The following BLTP1 variants were observed in gnomAD, a reference collection of about 807,000 sequenced individuals.
BLTP1 encodes the protein bridge-like lipid transfer protein family member 1, also known as fragile site-associated protein.
At chr4:122,262,972 T>C in the BLTP1 span, 1 of 1,613,634 alleles carries the variant, frequency 6.2e-7, no homozygotes. Flanking sequence ...AGTAGCTCCC[T>C]AACGAGAACA....
the BLTP1 span, chr4:122,189,263 T>C: frequency 1.0e-6 from 1 of 953,400 alleles, no homozygotes; most frequent in Non-Finnish European, 1.2e-6. Context: ...GCATTTAATA[T>C]CATCTAATGA....
At chr4:122,271,787 G>C in the BLTP1 span, 427 of 1,078,876 alleles carry the variant, frequency 4.0e-4, 2 homozygotes, top group Non-Finnish European at 3.8e-4. Context: ...CAAAGAAGCA[G>C]AAGACTGTTC....
chr4:122,158,687 C>T, the BLTP1 span, among the ~76,000 whole-genome samples: 794 of 152,222 alleles, frequency 5.2e-3, 11 homozygotes, highest in African/African-American at 0.017. Flanking sequence ...AGGAGAATGG[C>T]GTGAACCCAG....
the BLTP1 span, among the ~76,000 whole-genome samples, chr4:122,159,010 C>T: frequency 6.6e-6 from 1 of 152,158 alleles, no homozygotes; most frequent in Non-Finnish European, 1.5e-5. Flanking sequence ...GATCATCAGT[C>T]GCCATACCTG....
At chr4:122,233,142 C>A in the BLTP1 span, among the ~76,000 whole-genome samples, 2 of 152,144 alleles carry the variant, frequency 1.3e-5, no homozygotes, top group African/African-American at 4.8e-5. Flanking sequence ...AGGTGAAGCC[C>A]AGCCACCTAC....
At chr4:122,174,633 A>G in the BLTP1 span, 2 of 1,601,466 alleles carry the variant, frequency 1.2e-6, no homozygotes, top group South Asian at 1.1e-5. Context: ...CTATTACATT[A>G]CAGAAGACAT....
At chr4:122,195,421 A>G in the BLTP1 span, among the ~76,000 whole-genome samples, 1 of 145,608 alleles carries the variant, frequency 6.9e-6, no homozygotes, top group Non-Finnish European at 1.5e-5. Flanking sequence ...CCTTCCTAAC[A>G]TTGTCTGGCA....
At chr4:122,320,514 T>C in the BLTP1 span, among the ~76,000 whole-genome samples, 3 of 152,186 alleles carry the variant, frequency 2.0e-5, no homozygotes, top group Admixed American at 2.0e-4. Context: ...TAGACCCCTT[T>C]ATCATTTCAT....
At chr4:122,179,503 G>A in the BLTP1 span, among the ~76,000 whole-genome samples, 9 of 152,060 alleles carry the variant, frequency 5.9e-5, no homozygotes, top group Non-Finnish European at 1.3e-4. Flanking sequence ...CAAGGCTTCT[G>A]TCCAGGATCT....
chr4:122,314,016 T>C, the BLTP1 span: 3 of 952,330 alleles, frequency 3.2e-6, no homozygotes, highest in South Asian at 9.8e-5. Flanking sequence ...ATATGTGATA[T>C]GTACAATAAA....
the BLTP1 span, chr4:122,261,718 G>A: frequency 2.0e-6 from 2 of 983,550 alleles, no homozygotes; most frequent in African/African-American, 1.8e-5. Flanking sequence ...AGTATGTAAG[G>A]GACTTTTCTT....
the BLTP1 span, chr4:122,356,494 TC>T: frequency 1.1e-6 from 1 of 950,176 alleles, no homozygotes; most frequent in Non-Finnish European, 1.6e-6. Context: ...ATCCTGTAAA[TC>T]ACATACAGAT....
At chr4:122,254,271 A>C in the BLTP1 span, 1 of 1,613,368 alleles carries the variant, frequency 6.2e-7, no homozygotes, top group African/African-American at 1.3e-5. Flanking sequence ...TGTAGCATGA[A>C]GTTGACCATT....
the BLTP1 span, chr4:122,307,476 G>C: frequency 7.6e-5 from 75 of 985,084 alleles, no homozygotes; most frequent in Admixed American, 1.2e-4. Flanking sequence ...TGAAATGAAG[G>C]TTTTCCTTAA....
the BLTP1 span, among the ~76,000 whole-genome samples, chr4:122,317,278 G>A: frequency 6.6e-6 from 1 of 151,492 alleles, no homozygotes; most frequent in African/African-American, 2.4e-5. Flanking sequence ...GTTGCAGTGA[G>A]CCAAGATTGC....
At chr4:122,331,174 A>G in the BLTP1 span, 1 of 1,385,886 alleles carries the variant, frequency 7.2e-7, no homozygotes, top group Middle Eastern at 2.7e-4. Context: ...TAGTAGCTGA[A>G]TAAAGTGTGG....
At chr4:122,340,850 G>T in the BLTP1 span, 53 of 935,340 alleles carry the variant, frequency 5.7e-5, no homozygotes, top group African/African-American at 9.3e-4. Flanking sequence ...AGTACTAAAG[G>T]TGAAATGAAA....
chr4:122,334,864 A>T, the BLTP1 span, among the ~76,000 whole-genome samples: 1 of 152,074 alleles, frequency 6.6e-6, no homozygotes, highest in Non-Finnish European at 1.5e-5. Flanking sequence ...AGATGGAAAT[A>T]TCAAACTTGA....
the BLTP1 span, among the ~76,000 whole-genome samples, chr4:122,287,902 A>G: frequency 7.9e-5 from 12 of 152,300 alleles, no homozygotes; most frequent in African/African-American, 2.9e-4. Context: ...TAGCAATACT[A>G]TTATTAATGT....
Sources: gnomAD v4.1 joint callset for allele counts (sites outside exome capture counted in the v4.1 genomes callset) on GRCh38, gnomAD v4.1.1 for gene constraint, MANE v1.5 for transcripts, NCBI Gene and HGNC (gene_info 2026-07-23, HGNC 2026-07-21) for gene names.